KMT2E: variants seen among roughly 807,000 people sequenced by gnomAD.
KMT2E encodes lysine methyltransferase 2E (inactive), also known as histone reader KMT2E.
In KMT2E, 30 loss-of-function variants were observed where a neutral mutation model predicts 184.6. The ratio of observed to expected loss-of-function variants is 0.16; its 90% confidence interval spans 0.12 to 0.22. The LOEUF (loss-of-function observed/expected upper bound fraction) is 0.22. Among genes scored for constraint, KMT2E ranks in the 10% least tolerant of loss-of-function variants. The pLI, the probability that KMT2E is intolerant of heterozygous loss-of-function variation, is 1.00. For synonymous variants in KMT2E, 815 were observed against 776.5 expected, an observed-to-expected ratio of 1.05 and a Z score of -0.82; for missense variants, 2,023 against 2,237.4, an observed-to-expected ratio of 0.90 and a Z score of 1.93.
At chr7:105,070,051 T>C (rs949459583) in intron 6 of KMT2E, among the ~76,000 whole-genome samples, 1 of 152,342 alleles carries the variant, frequency 6.6e-6, no homozygotes, top group East Asian at 1.9e-4. Context: ...ATGGTATATA[T>C]GTACCATAGT....
At chr7:105,036,980 T>G (rs1159238745) in intron 1 of KMT2E, among the ~76,000 whole-genome samples, 1 of 152,138 alleles carries the variant, frequency 6.6e-6, no homozygotes, top group Non-Finnish European at 1.5e-5. Flanking sequence ...ACTAGTATTC[T>G]TTTCATTTTA....
intron 14 of KMT2E, 134 bp from the exon 15 acceptor site, chr7:105,091,082 A>T (rs1798183814): frequency 2.0e-6 from 1 of 503,516 alleles, no homozygotes; most frequent in Non-Finnish European, 3.6e-6. Context: ...ACCAGTTTTA[A>T]ATTTCTTAAA....
At chr7:105,081,153 C>T (rs775549253) in intron 12 of KMT2E, among the ~76,000 whole-genome samples, 3 of 151,866 alleles carry the variant, frequency 2.0e-5, no homozygotes, top group African/African-American at 4.8e-5. Flanking sequence ...AGGCCGAGGC[C>T]GGCACATCAT....
At chr7:105,078,672 T>C (rs935379769) in intron 11 of KMT2E, among the ~76,000 whole-genome samples, 174 bp from the exon 12 acceptor site, 3 of 138,310 alleles carry the variant, frequency 2.2e-5, no homozygotes, top group Non-Finnish European at 3.1e-5. Context: ...TTTTTTTTTT[T>C]TTTTTTTTTT....
chr7:105,075,985 A>T, intron 8 of KMT2E, 58 bp from the exon 9 acceptor site: 1 of 1,338,218 alleles, frequency 7.5e-7, no homozygotes, highest in Non-Finnish European at 1.1e-6. Context: ...ATTAATTCTT[A>T]AATATTAATT....
At chr7:105,067,464 A>G (rs1797080195) in intron 6 of KMT2E, among the ~76,000 whole-genome samples, 2 of 152,290 alleles carry the variant, frequency 1.3e-5, no homozygotes, top group East Asian at 3.9e-4. Flanking sequence ...TAAAAATAAA[A>G]TAATACATAA....
At chr7:105,056,231 A>G (rs1584737208) in intron 3 of KMT2E, among the ~76,000 whole-genome samples, 1 of 152,220 alleles carries the variant, frequency 6.6e-6, no homozygotes, top group African/African-American at 2.4e-5. Flanking sequence ...CCGGATGACT[A>G]CCATTTTATA....
intron 3 of KMT2E, among the ~76,000 whole-genome samples, chr7:105,046,116 CTG>C (rs1270477730): frequency 6.6e-6 from 1 of 152,080 alleles, no homozygotes; most frequent in Non-Finnish European, 1.5e-5. Flanking sequence ...CTTAGATGTT[CTG>C]TGAGTAGTTC....
intron 15 of KMT2E, among the ~76,000 whole-genome samples, chr7:105,094,798 A>G (rs1798337623): frequency 6.6e-6 from 1 of 152,338 alleles, no homozygotes; most frequent in East Asian, 1.9e-4. Flanking sequence ...AACTGTCATT[A>G]CAGTATATGG....
intron 13 of KMT2E, among the ~76,000 whole-genome samples, chr7:105,088,513 C>A (rs1193465540): frequency 1.3e-5 from 2 of 152,162 alleles, no homozygotes; most frequent in Non-Finnish European, 1.5e-5. Flanking sequence ...TTATTGTGAA[C>A]AAACATTCAA....
At chr7:105,094,146 C>T (rs1432201978) in intron 15 of KMT2E, among the ~76,000 whole-genome samples, 3 of 152,146 alleles carry the variant, frequency 2.0e-5, no homozygotes, top group Middle Eastern at 3.4e-3. Context: ...GTTCCCCACC[C>T]CCAAGTATTA....
intron 1 of KMT2E, among the ~76,000 whole-genome samples, chr7:105,020,985 A>G (rs1262127575): frequency 6.6e-6 from 1 of 152,232 alleles, no homozygotes; most frequent in African/African-American, 2.4e-5. Context: ...TAATATATGT[A>G]ATCGTTTCTA....
rs1799420634 is a variant in KMT2E at position 105,113,381 on chromosome 7, A to ATATT, written c.*50_*53dup. ...TTAAATGTTCTGTAAGATAAACTGTATATTTCATATGTACCTGTTAAGGTA... is the reference window on the plus strand; with the variant it reads ...TTAAATGTTCTGTAAGATAAACTGTATATTTATTTCATATGTACCTGTTAAGGTA... On this transcript the variant is annotated 3_prime_UTR_variant, in exon 27 of 27. Transcript: ENST00000311117. 2 of 1,545,024 alleles carry ATATT rather than the reference A, an allele frequency of 1.3e-6. No homozygotes were observed. Among genetic ancestry groups the ATATT allele is most frequent in the Non-Finnish European group, 1.8e-6 (2 of 1,139,986 alleles).
intron 3 of KMT2E, among the ~76,000 whole-genome samples, chr7:105,051,506 A>G (rs980873561): frequency 3.3e-5 from 5 of 152,150 alleles, no homozygotes; most frequent in Admixed American, 6.5e-5. Context: ...TTAAATGGCT[A>G]CATCTCTATC....
intron 13 of KMT2E, among the ~76,000 whole-genome samples, chr7:105,086,463 G>T (rs765700302): frequency 6.6e-6 from 1 of 152,010 alleles, no homozygotes. Context: ...TATGACTCAC[G>T]GCTGTAATCC....
chr7:105,077,562 T>C, intron 11 of KMT2E, 129 bp downstream of exon 11: 1 of 701,608 alleles, frequency 1.4e-6, no homozygotes. Flanking sequence ...AAAGCTGTAG[T>C]GTGGTTGAAC....
At position 105,063,614 on chromosome 7, in the gene KMT2E, T is replaced by G. The variant is rs368556099; in HGVS notation, c.416+34T>G. 3 of 1,358,856 alleles carry G rather than the reference T, an allele frequency of 2.2e-6. No homozygotes were observed. The African/African-American group carries it at 4.4e-5, about 20-fold the overall frequency. The allele number at this position is 1,358,856 out of a possible 1,614,324, so 84.2% of individuals were successfully genotyped here. A position where few individuals can be genotyped will look rare whatever the true frequency, so the allele number is the denominator to read the frequency against. ...TTTTACACCATTATTTTATTTTTCTTGAATGCTGATAACCTTTGGTAATGT... is the reference window on the plus strand; with the variant it reads ...TTTTACACCATTATTTTATTTTTCTGGAATGCTGATAACCTTTGGTAATGT... On this transcript the variant is annotated intron_variant, in intron 5 of 26. Coordinates refer to ENST00000311117, the MANE Select transcript of KMT2E (RefSeq NM_182931.3).
rs577734645 is a variant in KMT2E, at chr7:105,051,767, C to T, written c.72-10397C>T. On this transcript the variant is annotated intron_variant, in intron 3 of 26. Coordinates refer to ENST00000311117, the MANE Select transcript of KMT2E (RefSeq NM_182931.3). ...CAGAGTAGATGGGACTACAGGTGCG[C>T]GCCACCACGCCCAGCTAATTTTTAT... is the stretch of plus-strand genomic sequence containing the variant. Among the ~76,000 whole-genome samples the T allele has an allele frequency of 1.5e-3, 223 of 152,088 alleles. 2 individuals carry two copies. Among genetic ancestry groups the T allele is most frequent in the Non-Finnish European group, 1.9e-3 (130 of 67,978 alleles).
rs143716416 is a variant in KMT2E at position 105,078,942 on chromosome 7, G to A, written c.1227G>A (p.Arg409=). 2.1e-5 allele frequency: 33 copies of A among 1,603,542 alleles called. No individual in the cohort carries two copies. The African/African-American group carries it at 4.2e-4, about 20-fold the overall frequency. ...TFGNEARFIR[R]SCTPNAEVRH... Reference sequence around the variant, plus strand: ...GGAATGAGGCTCGATTCATCAGGCGGTCTTGTACACCCAATGCAGAGGTAA... The same window carrying A: ...GGAATGAGGCTCGATTCATCAGGCGATCTTGTACACCCAATGCAGAGGTAA... The change falls in exon 12 of 27, where the codon CGG becomes CGA. Residue 409 remains arginine (R), a synonymous_variant. Coordinates refer to ENST00000311117, the MANE Select transcript of KMT2E (RefSeq NM_182931.3).
Sources: gnomAD v4.1 joint callset for allele counts (sites outside exome capture counted in the v4.1 genomes callset) on GRCh38, gnomAD v4.1.1 for gene constraint, MANE v1.5 for transcripts, NCBI Gene and HGNC (gene_info 2026-07-23, HGNC 2026-07-21) for gene names.